NUP133: variants seen among roughly 807,000 people sequenced by gnomAD.
NUP133 encodes the protein nucleoporin 133, also known as nuclear pore complex protein Nup133.
Under a neutral mutation model 146.2 loss-of-function variants are expected in NUP133, and 66 were observed. That is an observed-to-expected ratio of 0.45 (90% CI 0.37 to 0.55). The LOEUF (loss-of-function observed/expected upper bound fraction) is 0.55, where lower values mean the gene tolerates loss of function less well. Among genes scored for constraint, NUP133 ranks in the 20% least tolerant of loss-of-function variants. The probability of loss-of-function intolerance (pLI) is 0.00; values close to 1 mark genes in which losing one functional copy is unlikely to be tolerated. For synonymous variants in NUP133, 521 were observed against 498.8 expected, an observed-to-expected ratio of 1.04 and a Z score of -0.59; for missense variants, 1,277 against 1,374.8, an observed-to-expected ratio of 0.93 and a Z score of 1.12.
At chr1:229,481,714 G>T (rs940272835) in intron 12 of NUP133, among the ~76,000 whole-genome samples, 3 of 141,108 alleles carry the variant, frequency 2.1e-5, no homozygotes, top group African/African-American at 7.9e-5. Context: ...AAAAAAAAAA[G>T]GCCATGTGAA....
At chr1:229,454,848 C>T (rs6667449) in intron 21 of NUP133, among the ~76,000 whole-genome samples, 2,761 of 152,102 alleles carry the variant, frequency 0.018, 84 homozygotes, top group African/African-American at 0.062. Flanking sequence ...TTAGAACAGG[C>T]GCTACTAGTG....
chr1:229,450,377 T>C lies in NUP133; in HGVS notation c.3180+148A>G, dbSNP rs1440119268. On this transcript the variant is annotated intron_variant, in intron 23 of 25. Coordinates refer to ENST00000261396, the MANE Select transcript of NUP133 (RefSeq NM_018230.3). ...TGACCTTGACAGCTTTTCTGAAGAG[T>C]TGTTTACATTCTAAGGATTAAAGGT... 27 of 434,572 alleles carry C rather than the reference T, an allele frequency of 6.2e-5. No individual in the cohort carries two copies. The Admixed American group carries it at 1.1e-3, about 18-fold the overall frequency. The allele number at this position is 434,572 out of a possible 1,614,324, so 26.9% of individuals were successfully genotyped here.
At position 229,441,921 on chromosome 1, in the gene NUP133, C is replaced by A; in HGVS notation, c.3454G>T (p.Val1152Phe). 1 of 1,578,896 alleles carries A rather than the reference C, an allele frequency of 6.3e-7. No individual in the cohort carries two copies. The highest frequency in any genetic ancestry group is 1.2e-5 in the South Asian group (1 of 84,244). ...FVLKANYEYY[V>F]QGQI ...AGAAAAAGTTATATTTGTCCCTGAA[C>A]ATAATATTCATAATTTGCTTTCAAA... Residue 1152 changes from valine to phenylalanine, a missense_variant, in exon 26 of 26, where the codon GTT (valine) becomes TTT (phenylalanine). Around this residue, in one of 3 missense-constraint regions of NUP133, gnomAD observed 952 missense variants for 1,047.0 expected, o/e 0.91. Coordinates refer to ENST00000261396, the MANE Select transcript of NUP133 (RefSeq NM_018230.3).
chr1:229,502,638 C>CTTAA (rs1309025969), intron 2 of NUP133, among the ~76,000 whole-genome samples: 5 of 150,812 alleles, frequency 3.3e-5, no homozygotes, highest in Non-Finnish European at 7.4e-5. Context: ...TTTAATATTC[C>CTTAA]TTAATTTTTT....
At chr1:229,498,497 A>C (rs1661713711) in intron 5 of NUP133, among the ~76,000 whole-genome samples, 191 bp from the exon 6 acceptor site, 1 of 152,188 alleles carries the variant, frequency 6.6e-6, no homozygotes, top group African/African-American at 2.4e-5. Context: ...CCTACATAGA[A>C]AAACTCTCAT....
At chr1:229,495,146 T>C (rs1387737610) in intron 8 of NUP133, among the ~76,000 whole-genome samples, 2 of 152,108 alleles carry the variant, frequency 1.3e-5, no homozygotes, top group Non-Finnish European at 1.5e-5. Context: ...CGCAATACTT[T>C]GGGATGCTGA....
At chr1:229,479,234 C>T (rs780480816) in intron 12 of NUP133, among the ~76,000 whole-genome samples, 2 of 152,164 alleles carry the variant, frequency 1.3e-5, no homozygotes, top group South Asian at 2.1e-4. Flanking sequence ...TACAAAAAGG[C>T]GACCTTCTGC....
chr1:229,471,363 T>G (rs1035266917), intron 14 of NUP133, among the ~76,000 whole-genome samples: 14 of 152,168 alleles, frequency 9.2e-5, no homozygotes, highest in African/African-American at 3.4e-4. Context: ...GCGAGCCTAC[T>G]GACTCGGCCT....
intron 12 of NUP133, among the ~76,000 whole-genome samples, chr1:229,483,719 A>AC (rs1661276935): frequency 6.6e-6 from 1 of 151,582 alleles, no homozygotes; most frequent in Non-Finnish European, 1.5e-5. Flanking sequence ...AAAAAAAAAA[A>AC]AACTTTGTAA....
chr1:229,458,562 A>G (rs1256637659), intron 20 of NUP133, among the ~76,000 whole-genome samples: 1 of 152,210 alleles, frequency 6.6e-6, no homozygotes, highest in Non-Finnish European at 1.5e-5. Flanking sequence ...ACATCCTGTC[A>G]AGAACAAATT....
rs762867548 is a variant in NUP133 at position 229,486,470 on chromosome 1, G to A, written c.1401C>T (p.Asn467=). The A allele has an allele frequency of 2.3e-5, 37 of 1,610,240 alleles. No homozygotes were observed. The highest frequency in any genetic ancestry group is 4.4e-5 in the South Asian group (4 of 90,336). ...TTGAAGTAATAGACACCAGTCCACT[G>A]TTTCTAGAAAAAATGATAGGAACAC... ...CGGVPIIFSR[N]SGLVSITSRE... is the part of the protein sequence containing the mutation. Residue 467 remains asparagine (N), a synonymous_variant, in exon 11 of 26, where the codon AAC becomes AAT. Transcript: ENST00000261396.
intron 19 of NUP133, among the ~76,000 whole-genome samples, chr1:229,462,251 C>T (rs1204284424): frequency 6.6e-6 from 1 of 152,158 alleles, no homozygotes; most frequent in African/African-American, 2.4e-5. Context: ...ATTAAAAATG[C>T]TGCTGTAGAA....
Position 229,470,654 on chromosome 1 carries a change from T to C in NUP133, c.2002A>G (p.Ile668Val), listed in dbSNP as rs778495361. The change falls in exon 15 of 26, where the codon ATA becomes GTA. Residue 668 changes from isoleucine to valine, a missense_variant. Physicochemically the swap from Ile to Val is conservative, Grantham distance 29 (BLOSUM62 3). Transcript: ENST00000261396. ...SRLSDLVNTA[I>V]LIALNKREYE... ...TCCCTCTTGTTCAAAGCAATCAATA[T>C]GGCTGTGTTGACAAGGTCAGAAAGC... 9.3e-6 allele frequency: 15 copies of C among 1,614,086 alleles called. No individual in the cohort carries two copies. In the Admixed American group the frequency reaches 1.0e-4, roughly 11 times the overall value.
intron 12 of NUP133, among the ~76,000 whole-genome samples, chr1:229,479,471 C>T (rs1315191086): frequency 6.6e-6 from 1 of 152,070 alleles, no homozygotes; most frequent in African/African-American, 2.4e-5. Flanking sequence ...ATAGGAAAAA[C>T]GTATATATAT....
intron 12 of NUP133, among the ~76,000 whole-genome samples, chr1:229,478,877 G>C (rs1236966375): frequency 1.3e-5 from 2 of 152,176 alleles, no homozygotes; most frequent in Non-Finnish European, 2.9e-5. Context: ...TATGGAGAGG[G>C]GATCAGATGT....
intron 21 of NUP133, among the ~76,000 whole-genome samples, chr1:229,456,756 C>T (rs1337938754): frequency 1.4e-5 from 2 of 141,928 alleles, no homozygotes; most frequent in Middle Eastern, 3.4e-3. Context: ...TATATATATA[C>T]ACACAATTTT....
At chr1:229,455,603 A>T (rs1162152180) in intron 21 of NUP133, among the ~76,000 whole-genome samples, 1 of 152,022 alleles carries the variant, frequency 6.6e-6, no homozygotes, top group Non-Finnish European at 1.5e-5. Flanking sequence ...AAAAAGTCCA[A>T]ATCTACAGAA....
At chr1:229,471,884 A>T (rs1192974553) in intron 14 of NUP133, among the ~76,000 whole-genome samples, 2 of 152,152 alleles carry the variant, frequency 1.3e-5, no homozygotes, top group Non-Finnish European at 2.9e-5. Context: ...TTTATAACAC[A>T]TTTAGATATT....
chr1:229,475,809 T>A, intron 13 of NUP133, 77 bp from the exon 14 acceptor site: 2 of 1,202,436 alleles, frequency 1.7e-6, no homozygotes. Flanking sequence ...GGCTAACTGC[T>A]ATTAAAATAA....
Sources: gnomAD v4.1 joint callset for allele counts (sites outside exome capture counted in the v4.1 genomes callset) on GRCh38, gnomAD v4.1.1 for gene constraint, gnomAD v4.1.1 regional missense constraint, MANE v1.5 for transcripts, NCBI Gene and HGNC (gene_info 2026-07-23, HGNC 2026-07-21) for gene names.